The following SPECC1L variants were observed in gnomAD, a reference collection of about 807,000 sequenced individuals.
SPECC1L encodes the protein cytospin-A.
In SPECC1L, 40 loss-of-function variants were observed where a neutral mutation model predicts 116.8. The ratio of observed to expected loss-of-function variants is 0.34; its 90% confidence interval spans 0.27 to 0.45. The LOEUF is 0.45. Ranked by LOEUF, SPECC1L falls within the 20% of genes least tolerant of loss-of-function variation. The pLI, the probability that SPECC1L is intolerant of heterozygous loss-of-function variation, is 1.00. For missense variants in SPECC1L, 1,110 were observed against 1,373.6 expected, an observed-to-expected ratio of 0.81 and a Z score of 3.03; for synonymous variants, 504 against 500.6, an observed-to-expected ratio of 1.01 and a Z score of -0.09.
intron 14 of SPECC1L, among the ~76,000 whole-genome samples, chr22:24,407,128 T>C (rs2042607551): frequency 6.6e-6 from 1 of 152,240 alleles, no homozygotes; most frequent in Non-Finnish European, 1.5e-5. Flanking sequence ...CAGTCTGGCC[T>C]GGCTGCTCTC....
rs553510827 is a variant in SPECC1L at position 24,364,911 on chromosome 22, G to A, written c.2828-565G>A. On this transcript the variant is annotated intron_variant, in intron 12 of 16. Transcript: ENST00000314328. ...TCACTATGTGCTTGGTAGGTACTGT[G>A]AGGGTTATAGAGATGGATAAGGCAC... Among the ~76,000 whole-genome samples, 167 of 152,264 alleles carry A rather than the reference G, an allele frequency of 1.1e-3. 1 individual carries two copies. Among genetic ancestry groups the A allele is most frequent in the African/African-American group, 3.9e-3 (162 of 41,550 alleles).
rs1383477708 is a variant in SPECC1L at position 24,322,926 on chromosome 22, T to C, written c.1938+8T>C. 6.2e-7 allele frequency: 1 copy of C among 1,613,614 alleles called. No homozygotes were observed. The highest frequency in any genetic ancestry group is 8.5e-7 in the Non-Finnish European group (1 of 1,179,842). ...CAGGATGCCATTGCTAAGGTATTGT[T>C]TAAATAGATTAAAATGTTCCGGACA... On this transcript the variant is annotated splice_region_variant and intron_variant, in intron 5 of 16. Coordinates refer to ENST00000314328, the MANE Select transcript of SPECC1L (RefSeq NM_015330.6).
intron 2 of SPECC1L, among the ~76,000 whole-genome samples, chr22:24,299,201 A>G (rs992481317): frequency 6.6e-6 from 1 of 152,134 alleles, no homozygotes; most frequent in African/African-American, 2.4e-5. Context: ...TGTTAAGTAG[A>G]TATTTTTGGA....
chr22:24,327,296 A>AAAAAAAAAAAAAAAC (rs1556236760), intron 6 of SPECC1L, among the ~76,000 whole-genome samples: 10 of 150,062 alleles, frequency 6.7e-5, no homozygotes, highest in Non-Finnish European at 1.3e-4. Context: ...AAAAAAAAAA[A>AAAAAAAAAAAAAAAC]AAAAAACATC....
chr22:24,310,873 C>T (rs939651180), intron 3 of SPECC1L, among the ~76,000 whole-genome samples: 18 of 151,988 alleles, frequency 1.2e-4, no homozygotes, highest in African/African-American at 3.6e-4. Flanking sequence ...GTAGTCACAT[C>T]GATCAAGTCT....
At chr22:24,410,678 A>G (rs558651220) in intron 14 of SPECC1L, among the ~76,000 whole-genome samples, 1 of 152,130 alleles carries the variant, frequency 6.6e-6, no homozygotes, top group Non-Finnish European at 1.5e-5. Context: ...TCTCCAGTAC[A>G]TGTGGTGCGT....
intron 1 of SPECC1L, among the ~76,000 whole-genome samples, chr22:24,272,889 T>C (rs1191909980): frequency 6.6e-6 from 1 of 152,186 alleles, no homozygotes; most frequent in Non-Finnish European, 1.5e-5. Context: ...TTTTGATAGC[T>C]GGAGAATGCT....
At chr22:24,325,210 G>GA (rs2040794314) in intron 6 of SPECC1L, among the ~76,000 whole-genome samples, 1 of 152,176 alleles carries the variant, frequency 6.6e-6, no homozygotes, top group African/African-American at 2.4e-5. Flanking sequence ...TTGAGTTGAA[G>GA]ACAGTAGATG....
intron 15 of SPECC1L, among the ~76,000 whole-genome samples, chr22:24,411,987 C>T (rs928255744): frequency 1.3e-5 from 2 of 152,202 alleles, no homozygotes; most frequent in Non-Finnish European, 2.9e-5. Flanking sequence ...AGAGCTTCAC[C>T]AGGAGGGGCC....
At chr22:24,304,957 T>C (rs1226428646) in intron 3 of SPECC1L, among the ~76,000 whole-genome samples, 5 of 152,240 alleles carry the variant, frequency 3.3e-5, no homozygotes, top group African/African-American at 7.2e-5. Flanking sequence ...TTTGCATCAG[T>C]TACAAAGAGT....
At chr22:24,377,532 C>G (rs950184574) in intron 14 of SPECC1L, among the ~76,000 whole-genome samples, 1 of 152,122 alleles carries the variant, frequency 6.6e-6, no homozygotes, top group African/African-American at 2.4e-5. Context: ...TGAAATTGAT[C>G]TTGTTACTTC....
chr22:24,340,447 G>C (rs2041154180), intron 10 of SPECC1L, among the ~76,000 whole-genome samples: 1 of 152,100 alleles, frequency 6.6e-6, no homozygotes, highest in South Asian at 2.1e-4. Context: ...GTGCGCAGCT[G>C]ATTTAATGCT....
intron 3 of SPECC1L, among the ~76,000 whole-genome samples, chr22:24,304,183 A>T (rs1247009767): frequency 6.6e-6 from 1 of 151,990 alleles, no homozygotes; most frequent in Non-Finnish European, 1.5e-5. Flanking sequence ...TAACCAGATG[A>T]ATGAAGTGTT....
chr22:24,301,874 G>C, intron 2 of SPECC1L, among the ~76,000 whole-genome samples: 1 of 151,930 alleles, frequency 6.6e-6, no homozygotes, highest in Admixed American at 6.6e-5. Flanking sequence ...GTGAAACCCT[G>C]TCTCTACTAA....
intron 14 of SPECC1L, among the ~76,000 whole-genome samples, chr22:24,402,404 A>G (rs1022563331): frequency 2.0e-5 from 3 of 151,896 alleles, no homozygotes; most frequent in African/African-American, 7.3e-5. Context: ...TTCAGACATT[A>G]TATCTTCTCC....
chr22:24,343,463 T>A (rs200011896), intron 10 of SPECC1L: 36 of 449,150 alleles, frequency 8.0e-5, no homozygotes, highest in Admixed American at 5.3e-4. Flanking sequence ...TTTTTTTTGT[T>A]TTGTTTTGTT....
intron 4 of SPECC1L, 23 bp from the exon 5 acceptor site, chr22:24,321,265 C>T: frequency 6.2e-7 from 1 of 1,612,110 alleles, no homozygotes. Context: ...TTTTGCCTTA[C>T]ATTTTTTGTA....
chr22:24,409,841 A>G (rs944367063), intron 14 of SPECC1L, among the ~76,000 whole-genome samples: 1 of 152,138 alleles, frequency 6.6e-6, no homozygotes. Flanking sequence ...CCTGGGCGAC[A>G]TAGCGAAACC....
At chr22:24,383,792 A>ATTTTTTTTTTTTTTTTTTTTTTT (rs538972717) in intron 14 of SPECC1L, among the ~76,000 whole-genome samples, 3 of 77,338 alleles carry the variant, frequency 3.9e-5, no homozygotes, top group South Asian at 5.5e-4. Flanking sequence ...ACCCACCACT[A>ATTTTTTTTTTTTTTTTTTTTTTT]TTTTTTTTTT....
Sources: allele counts gnomAD v4.1 joint callset (sites outside exome capture counted in the v4.1 genomes callset), GRCh38; gene constraint gnomAD v4.1.1; transcripts MANE v1.5; gene names NCBI Gene and HGNC (gene_info 2026-07-23, HGNC 2026-07-21).